The following LRIF1 variants were observed in gnomAD, a reference collection of about 807,000 sequenced individuals.
LRIF1 encodes the protein ligand dependent nuclear receptor interacting factor 1.
A neutral mutation model predicts 52.7 loss-of-function variants in LRIF1; 32 were observed. The observed-to-expected ratio is 0.61, with a 90% CI of 0.46 to 0.82. The LOEUF is 0.82. Among genes scored for constraint, LRIF1 ranks in the 40% least tolerant of loss-of-function variants. The probability of loss-of-function intolerance (pLI) is 0.00; values close to 1 mark genes in which losing one functional copy is unlikely to be tolerated. For synonymous variants in LRIF1, 323 were observed against 317.4 expected, an observed-to-expected ratio of 1.02 and a Z score of -0.19; for missense variants, 887 against 892.0, an observed-to-expected ratio of 0.99 and a Z score of 0.07.
the LRIF1 span, among the ~76,000 whole-genome samples, chr1:110,930,541 C>T: frequency 6.6e-6 from 1 of 152,052 alleles, no homozygotes; most frequent in African/African-American, 2.4e-5. Context: ...CTGTCTGATG[C>T]CCTTTCTTAT....
chr1:110,895,482 A>G, the LRIF1 span, among the ~76,000 whole-genome samples: 9 of 152,180 alleles, frequency 5.9e-5, no homozygotes, highest in Non-Finnish European at 1.2e-4. Context: ...ACAAACGTGT[A>G]TATGTACAGC....
At chr1:110,956,196 T>C (rs1658691522) in intron 1 of LRIF1, among the ~76,000 whole-genome samples, 1 of 152,108 alleles carries the variant, frequency 6.6e-6, no homozygotes. Flanking sequence ...ACAGAAGATA[T>C]TAGAGTTGCC....
In LRIF1 at chr1:110,949,874, C is replaced by A. The variant is rs1476523968; in HGVS notation, c.1846G>T (p.Val616Leu). 6.2e-7 allele frequency: 1 copy of A among 1,613,982 alleles called. No homozygotes were observed. Among genetic ancestry groups the A allele is most frequent in the Admixed American group, 1.7e-5 (1 of 60,018 alleles). Residue 616 changes from valine to leucine, a missense_variant, in exon 3 of 4, where the codon GTG becomes TTG. Coordinates refer to ENST00000369763, the MANE Select transcript of LRIF1 (RefSeq NM_018372.4). Reference protein sequence around the residue: ...SGTYKETEFMVKEGERKQQNF... With the variant: ...SGTYKETEFMLKEGERKQQNF... ...ACCTGTTTTCTCTCTCCTTCCTTCA[C>A]CATAAACTCTGTCTCTTTGTAAGTA...
chr1:110,922,225 G>T, the LRIF1 span, among the ~76,000 whole-genome samples: 1 of 152,202 alleles, frequency 6.6e-6, no homozygotes, highest in Non-Finnish European at 1.5e-5. Context: ...TTTAAGAGAT[G>T]ATTAGGATTT....
the LRIF1 span, among the ~76,000 whole-genome samples, chr1:110,906,210 T>C: frequency 2.0e-5 from 3 of 152,234 alleles, no homozygotes; most frequent in East Asian, 3.9e-4. Context: ...ATAAAATCAA[T>C]ATACTAAAGC....
intron 1 of LRIF1, 30 bp downstream of exon 1, chr1:110,963,591 C>T (rs772406527): frequency 3.1e-6 from 5 of 1,588,970 alleles, no homozygotes; most frequent in East Asian, 4.5e-5. Context: ...AGAGGGGCAG[C>T]CGTGGGGAGG....
At chr1:110,959,205 C>G (rs1658847007) in intron 1 of LRIF1, among the ~76,000 whole-genome samples, 1 of 151,988 alleles carries the variant, frequency 6.6e-6, no homozygotes, top group African/African-American at 2.4e-5. Context: ...TACAGTTTAA[C>G]AGTTTAAAAG....
chr1:110,934,423 A>G, the LRIF1 span, among the ~76,000 whole-genome samples: 1 of 152,196 alleles, frequency 6.6e-6, no homozygotes, highest in African/African-American at 2.4e-5. Context: ...TGACTCTTAG[A>G]TGGCATCCTT....
At chr1:110,913,656 G>T in the LRIF1 span, among the ~76,000 whole-genome samples, 1,531 of 152,314 alleles carry the variant, frequency 0.01, 11 homozygotes, top group Non-Finnish European at 0.014. Flanking sequence ...TGTTGGTGAA[G>T]TTGTAGAGAA....
At chr1:110,894,770 T>G in the LRIF1 span, among the ~76,000 whole-genome samples, 1 of 152,182 alleles carries the variant, frequency 6.6e-6, no homozygotes, top group Non-Finnish European at 1.5e-5. Context: ...ACTAAATACT[T>G]CTTCCTTCAA....
chr1:110,941,601 G>C, the LRIF1 span: 4 of 151,976 alleles, frequency 2.6e-5, no homozygotes, highest in African/African-American at 9.7e-5. Flanking sequence ...GAGTTACCTA[G>C]TTATTTTCTT....
At chr1:110,932,799 C>T in the LRIF1 span, among the ~76,000 whole-genome samples, 63,444 of 151,968 alleles carry the variant, frequency 0.42, 14,299 homozygotes, top group East Asian at 0.7. Flanking sequence ...TGAATCTTGT[C>T]TGCAGCTACT....
At chr1:110,945,612 G>C (rs1658186197), downstream of LRIF1, among the ~76,000 whole-genome samples, 1 of 152,166 alleles carries the variant, frequency 6.6e-6, no homozygotes, top group Admixed American at 6.5e-5. Flanking sequence ...TTTTAGTAGA[G>C]ACGGGGTTTC....
the LRIF1 span, chr1:110,880,101 G>A: frequency 2.0e-5 from 3 of 152,236 alleles, no homozygotes; most frequent in East Asian, 1.9e-4. Flanking sequence ...GTTTGGTCAC[G>A]CAGGTTTCCT....
downstream of LRIF1, among the ~76,000 whole-genome samples, chr1:110,942,664 C>T (rs529233895): frequency 3.3e-5 from 5 of 151,964 alleles, no homozygotes; most frequent in South Asian, 2.1e-4. Context: ...TTGTAAGGCA[C>T]GAGACAAAGG....
At chr1:110,921,529 A>C in the LRIF1 span, among the ~76,000 whole-genome samples, 1 of 152,232 alleles carries the variant, frequency 6.6e-6, no homozygotes, top group Admixed American at 6.5e-5. Context: ...CATTATTAAA[A>C]TCAGGCAAAA....
At chr1:110,948,438 G>GT (rs1658306145) in intron 3 of LRIF1, 39 bp from the exon 4 acceptor site, 2 of 1,566,194 alleles carry the variant, frequency 1.3e-6, no homozygotes, top group East Asian at 4.6e-5. Context: ...AAAACGAAAT[G>GT]TTACTGCTAA....
chr1:110,924,519 G>A, the LRIF1 span, among the ~76,000 whole-genome samples: 2 of 152,124 alleles, frequency 1.3e-5, no homozygotes, highest in African/African-American at 4.8e-5. Context: ...AAGTGAAGGG[G>A]ATAGAGCCCC....
At chr1:110,943,647 A>G (rs1658138988), downstream of LRIF1, 1 of 152,090 alleles carries the variant, frequency 6.6e-6, no homozygotes, top group African/African-American at 2.4e-5. Flanking sequence ...TTTTCTGTTT[A>G]TACTACTTCC....
Sources: allele counts gnomAD v4.1 joint callset (sites outside exome capture counted in the v4.1 genomes callset), GRCh38; gene constraint gnomAD v4.1.1; transcripts MANE v1.5; gene names NCBI Gene and HGNC (gene_info 2026-07-23, HGNC 2026-07-21).